The following HNF4A variants were observed in gnomAD, a reference collection of about 807,000 sequenced individuals.
The protein encoded by HNF4A is hepatocyte nuclear factor 4 alpha.
A neutral mutation model predicts 52.4 loss-of-function variants in HNF4A; 15 were observed. The ratio of observed to expected loss-of-function variants is 0.29; its 90% CI spans 0.19 to 0.44. HNF4A has a LOEUF of 0.44. Ranked by LOEUF, HNF4A falls within the 20% of genes least tolerant of loss-of-function variation. HNF4A has a pLI of 1.00. For synonymous variants in HNF4A, 280 were observed against 264.4 expected, an observed-to-expected ratio of 1.06 and a Z score of -0.57; for missense variants, 479 against 647.2, an observed-to-expected ratio of 0.74 and a Z score of 2.82.
intron 8 of HNF4A, 110 bp from the exon 9 acceptor site, chr20:44,428,225 G>A (rs2063834588): frequency 2.7e-6 from 3 of 1,103,216 alleles, no homozygotes; most frequent in Middle Eastern, 2.8e-4. Context: ...AACAGGCACT[G>A]CCAATATTGG....
Position 44,413,741 on chromosome 20 carries a change from G to C in HNF4A, c.433G>C (p.Glu145Gln). 6.2e-7 allele frequency: 1 copy of C among 1,613,966 alleles called. No homozygotes were observed. The highest frequency in any genetic ancestry group is 8.5e-7 in the Non-Finnish European group (1 of 1,179,970). Residue 145 changes from glutamate to glutamine, a missense_variant, in exon 4 of 10, where the codon GAG becomes CAG. Glu to Gln is a conservative substitution (Grantham distance 29, BLOSUM62 2). Coordinates refer to ENST00000316099, the MANE Select transcript of HNF4A (RefSeq NM_000457.6). ...GATCAGCACTCGAAGGTCAAGCTATGAGGACAGCAGCCTGCCCTCCATCAA... is the reference window on the plus strand; with the variant it reads ...GATCAGCACTCGAAGGTCAAGCTATCAGGACAGCAGCCTGCCCTCCATCAA...
At position 44,428,409 on chromosome 20, in the gene HNF4A, G is replaced by T; in HGVS notation, c.1204G>T (p.Val402Phe). 2 of 1,614,130 alleles carry T rather than the reference G, an allele frequency of 1.2e-6. No homozygotes were observed. The highest frequency in any genetic ancestry group is 1.3e-5 in the African/African-American group (1 of 75,018). Residue 402 changes from valine (V) to phenylalanine (F), a missense_variant, in exon 9 of 10, where the codon GTC (valine) becomes TTC (phenylalanine). Val to Phe is a conservative substitution (Grantham distance 50). Coordinates refer to ENST00000316099, the MANE Select transcript of HNF4A (RefSeq NM_000457.6). ...GATGCAGGAACATATGGGAACCAAC[G>T]TCATCGTTGCCAACACAATGCCCAC... is the stretch of plus-strand genomic sequence containing the variant.
At chr20:44,367,639 C>CAAAA (rs61083507) in intron 1 of HNF4A, among the ~76,000 whole-genome samples, 1 of 121,294 alleles carries the variant, frequency 8.2e-6, no homozygotes, top group Non-Finnish European at 1.7e-5. Context: ...CACTCCGTCT[C>CAAAA]AAAAAAAAAA....
chr20:44,390,484 C>G (rs779053525), intron 1 of HNF4A: 11 of 609,210 alleles, frequency 1.8e-5, no homozygotes, highest in Non-Finnish European at 3.3e-5. Context: ...GAGACCGCCT[C>G]CCACCATCCC....
intron 8 of HNF4A, among the ~76,000 whole-genome samples, chr20:44,426,376 A>C (rs547202883): frequency 6.6e-6 from 1 of 152,224 alleles, no homozygotes; most frequent in South Asian, 2.1e-4. Flanking sequence ...AAAGAGAGTG[A>C]GTGGGAAGGT....
exon 1 of HNF4A, chr20:44,355,735 G>T: frequency 7.1e-7 from 1 of 1,404,160 alleles, no homozygotes; most frequent in South Asian, 1.2e-5. Context: ...GCTCCTGGTG[G>T]CTGTGCTGCT....
chr20:44,409,316 G>T (rs956935217), intron 3 of HNF4A, among the ~76,000 whole-genome samples: 1 of 152,242 alleles, frequency 6.6e-6, no homozygotes, highest in African/African-American at 2.4e-5. Flanking sequence ...GACTGGGAAA[G>T]ATTATGAATG....
intron 1 of HNF4A, among the ~76,000 whole-genome samples, chr20:44,382,572 T>A (rs1184829055): frequency 6.6e-6 from 1 of 152,162 alleles, no homozygotes; most frequent in Non-Finnish European, 1.5e-5. Context: ...TCCTCTGCCA[T>A]CCTAGGAAAA....
chr20:44,434,281 AAC>A, downstream of HNF4A: 1 of 152,316 alleles, frequency 6.6e-6, no homozygotes, highest in East Asian at 1.9e-4. Flanking sequence ...AGATCACAGT[AAC>A]TGTGAGAGCT....
intron 6 of HNF4A, 65 bp downstream of exon 6, chr20:44,418,577 G>A (rs2063699111): frequency 1.6e-6 from 2 of 1,225,026 alleles, no homozygotes; most frequent in African/African-American, 1.5e-5. Context: ...CACTCACCCA[G>A]GCAAGGAGAT....
chr20:44,403,034 C>A (rs1463226042), intron 1 of HNF4A, among the ~76,000 whole-genome samples: 1 of 152,210 alleles, frequency 6.6e-6, no homozygotes, highest in Non-Finnish European at 1.5e-5. Context: ...GAGGACCACG[C>A]CAGGAGCGCA....
Position 44,424,154 on chromosome 20 carries a change from C to T in HNF4A, c.1029C>T (p.Thr343=), listed in dbSNP as rs914188651. Residue 343 remains threonine (T), a synonymous_variant, in exon 8 of 10, where the codon ACC becomes ACT. Coordinates refer to ENST00000316099, the MANE Select transcript of HNF4A (RefSeq NM_000457.6). ...GAGAGCTGCTGCTGCTGCTGCCCAC[C>T]TTGCAGAGCATCACCTGGCAGATGA... is the stretch of plus-strand genomic sequence containing the variant. 6.2e-7 allele frequency: 1 copy of T among 1,613,818 alleles called. No homozygotes were observed. The highest frequency in any genetic ancestry group is 1.3e-5 in the African/African-American group (1 of 75,064).
chr20:44,368,355 T>C (rs2062995692), intron 1 of HNF4A, among the ~76,000 whole-genome samples: 1 of 150,678 alleles, frequency 6.6e-6, no homozygotes, highest in African/African-American at 2.4e-5. Flanking sequence ...TTAGTAGAGA[T>C]GGGATTTTGC....
At chr20:44,409,229 C>G (rs568745397) in intron 3 of HNF4A, among the ~76,000 whole-genome samples, 2 of 152,266 alleles carry the variant, frequency 1.3e-5, no homozygotes, top group East Asian at 3.9e-4. Context: ...TTTTAAGCTG[C>G]AAATACTCCC....
At chr20:44,364,932 C>T (rs1238313863) in intron 1 of HNF4A, among the ~76,000 whole-genome samples, 1 of 152,182 alleles carries the variant, frequency 6.6e-6, no homozygotes, top group Non-Finnish European at 1.5e-5. Context: ...ACTCACATTC[C>T]ATTGGTGAGA....
intron 1 of HNF4A, among the ~76,000 whole-genome samples, chr20:44,405,439 G>A (rs736821): frequency 0.11 from 17,216 of 152,166 alleles, 1,167 homozygotes; most frequent in East Asian, 0.15. Context: ...CAGGACTCCT[G>A]GCACCCAGCC....
intron 1 of HNF4A, among the ~76,000 whole-genome samples, chr20:44,361,485 C>T (rs922312659): frequency 1.3e-5 from 2 of 152,108 alleles, no homozygotes; most frequent in African/African-American, 4.8e-5. Context: ...TTTTGTAAGG[C>T]ACTGGGGAAA....
In HNF4A at chr20:44,362,075, C is replaced by G. The variant is rs544159152; in HGVS notation, c.49+6222C>G. 3.9e-5 allele frequency among the ~76,000 whole-genome samples: 6 copies of G among 152,226 alleles called. No homozygotes were observed. In the South Asian group the frequency reaches 1.2e-3, roughly 32 times the overall value. On this transcript the variant is annotated intron_variant, in intron 1 of 9. Coordinates refer to the HNF4A transcript ENST00000316673. The stretch of plus-strand genomic sequence containing the variant: ...ATCCTTTACTGAAAGTATCTTGAGA[C>G]TTGTCTGGTTGTTTCATGATTGATT...
At chr20:44,418,702 G>A (rs1219896009) in intron 6 of HNF4A, among the ~76,000 whole-genome samples, 190 bp downstream of exon 6, 1 of 152,232 alleles carries the variant, frequency 6.6e-6, no homozygotes, top group African/African-American at 2.4e-5. Context: ...TCAGATGCAA[G>A]GAAATGTGGA....
Sources: allele counts gnomAD v4.1 joint callset (sites outside exome capture counted in the v4.1 genomes callset), GRCh38; gene constraint gnomAD v4.1.1; transcripts MANE v1.5; gene names NCBI Gene and HGNC (gene_info 2026-07-23, HGNC 2026-07-21).